The following EIF3H variants were observed in gnomAD, a reference collection of about 807,000 sequenced individuals.
The protein encoded by EIF3H is eIF-3-gamma.
EIF3H carries 26 observed loss-of-function variants against 44.2 expected under a neutral mutation model. The ratio of observed to expected loss-of-function variants is 0.59; its 90% CI spans 0.43 to 0.82. The LOEUF (loss-of-function observed/expected upper bound fraction) is 0.82. Among genes scored for constraint, EIF3H ranks in the 40% least tolerant of loss-of-function variants. The pLI, the probability that EIF3H is intolerant of heterozygous loss-of-function variation, is 0.00. For missense variants in EIF3H, 359 were observed against 432.8 expected, an observed-to-expected ratio of 0.83 and a Z score of 1.51; for synonymous variants, 166 against 151.9, an observed-to-expected ratio of 1.09 and a Z score of -0.68.
At chr8:116,758,566 A>C (rs1294358467), upstream of EIF3H, among the ~76,000 whole-genome samples, 1 of 152,232 alleles carries the variant, frequency 6.6e-6, no homozygotes, top group Non-Finnish European at 1.5e-5. Flanking sequence ...TGAAGTGTCC[A>C]TGGAATATAC....
chr8:116,653,667 C>CT (rs139783290), intron 5 of EIF3H, among the ~76,000 whole-genome samples: 9,745 of 152,044 alleles, frequency 0.064, 403 homozygotes, highest in African/African-American at 0.11. Flanking sequence ...CCTTAGTTTA[C>CT]TTTTTTTAAA....
chr8:116,715,361 CTA>C (rs998383869), intron 2 of EIF3H, among the ~76,000 whole-genome samples: 5 of 151,864 alleles, frequency 3.3e-5, no homozygotes, highest in African/African-American at 1.2e-4. Context: ...CAGATAAAAG[CTA>C]TGTGTTTTAT....
At chr8:116,654,570 AT>A (rs1813456793) in intron 5 of EIF3H, among the ~76,000 whole-genome samples, 1 of 152,216 alleles carries the variant, frequency 6.6e-6, no homozygotes, top group African/African-American at 2.4e-5. Context: ...GGTGTGCCCA[AT>A]GTGTTTGTAA....
rs772680390 is a variant in EIF3H, at chr8:116,724,738, G to C, written c.289+1278C>G. On this transcript the variant is annotated intron_variant, in intron 2 of 7. Coordinates refer to ENST00000521861, the MANE Select transcript of EIF3H (RefSeq NM_003756.3). ...GTGCAATTCAAAACCACAATGAGATGATCACCTCACATCTGTTAAAATGGC... is the reference window on the plus strand; with the variant it reads ...GTGCAATTCAAAACCACAATGAGATCATCACCTCACATCTGTTAAAATGGC... Among the ~76,000 whole-genome samples, 120 of 152,196 alleles carry C rather than the reference G, an allele frequency of 7.9e-4. 1 individual carries two copies. The highest frequency in any genetic ancestry group is 7.4e-4 in the Non-Finnish European group (50 of 67,978).
chr8:116,736,387 C>T (rs1430187898), intron 1 of EIF3H, among the ~76,000 whole-genome samples: 1 of 152,184 alleles, frequency 6.6e-6, no homozygotes, highest in Non-Finnish European at 1.5e-5. Flanking sequence ...AATTGCCAGG[C>T]GCGGTGGCTC....
In EIF3H at chr8:116,719,258, AAGAC is replaced by A. The variant is rs1438298838; in HGVS notation, c.289+6754_289+6757del. Among the ~76,000 whole-genome samples, 6 of 152,298 alleles carry A rather than the reference AAGAC, an allele frequency of 3.9e-5. No individual in the cohort carries two copies. In the South Asian group the frequency reaches 1.2e-3, roughly 32 times the overall value. ...TAATGGGCCCTTTAATTCTGAATAA[AAGAC>A]AGTTACTAACTTTGCATTTTTTCAG... On this transcript the variant is annotated intron_variant, in intron 2 of 7. Coordinates refer to ENST00000521861, the MANE Select transcript of EIF3H (RefSeq NM_003756.3).
rs182637375 is a variant in EIF3H at position 116,671,443 on chromosome 8, T to C, written c.290-12463A>G. Among the ~76,000 whole-genome samples, 28 of 152,342 alleles carry C rather than the reference T, an allele frequency of 1.8e-4. No individual in the cohort carries two copies. In the East Asian group the frequency reaches 4.6e-3, roughly 25 times the overall value. Reference sequence around the variant, plus strand: ...AATCTTCCTTTTCCCCTGAAGAATATACATCTTTTCCTTGCAGAAAAGATT... The same window carrying C: ...AATCTTCCTTTTCCCCTGAAGAATACACATCTTTTCCTTGCAGAAAAGATT... On this transcript the variant is annotated intron_variant, in intron 2 of 7. Transcript: ENST00000521861.
intron 2 of EIF3H, chr8:116,696,913 A>C (rs1267950753): frequency 3.1e-6 from 1 of 324,240 alleles, no homozygotes; most frequent in Non-Finnish European, 6.1e-6. Context: ...CTTTTGTAAA[A>C]GAAAACACAA....
intron 1 of EIF3H, chr8:116,737,267 T>C (rs898937772): frequency 2.2e-6 from 1 of 448,928 alleles, no homozygotes; most frequent in Non-Finnish European, 4.4e-6. Flanking sequence ...ATTTTCTATC[T>C]ACGTACTTGA....
At chr8:116,750,870 C>G (rs1011793886) in intron 1 of EIF3H, among the ~76,000 whole-genome samples, 2 of 152,068 alleles carry the variant, frequency 1.3e-5, no homozygotes, top group Non-Finnish European at 2.9e-5. Flanking sequence ...CTGAAAACAT[C>G]TAAGGAAAGA....
At chr8:116,705,498 C>A (rs996448960) in intron 2 of EIF3H, among the ~76,000 whole-genome samples, 14 of 143,896 alleles carry the variant, frequency 9.7e-5, no homozygotes, top group African/African-American at 2.7e-4. Flanking sequence ...TACACCCCCC[C>A]CCACCACCAA....
chr8:116,660,033 T>A (rs1160980762), intron 2 of EIF3H, among the ~76,000 whole-genome samples: 1 of 151,976 alleles, frequency 6.6e-6, no homozygotes, highest in Non-Finnish European at 1.5e-5. Context: ...ACTACAGGTG[T>A]GAACCACCGC....
rs181736099 is a variant in EIF3H at position 116,653,902 on chromosome 8, T to C, written c.707+1954A>G. The stretch of plus-strand genomic sequence containing the variant: ...GGCACATCAAAGAAACTGGTGCCCA[T>C]GTCTATAGGCTGTGAAAGGAAAGAC... On this transcript the variant is annotated intron_variant, in intron 5 of 7. Transcript: ENST00000521861. Among the ~76,000 whole-genome samples, 200 of 152,340 alleles carry C rather than the reference T, an allele frequency of 1.3e-3. 1 individual carries two copies. Among genetic ancestry groups the C allele is most frequent in the South Asian group, 5.2e-3 (25 of 4,834 alleles).
At chr8:116,686,624 T>TA (rs200473723) in intron 2 of EIF3H, among the ~76,000 whole-genome samples, 183 of 139,382 alleles carry the variant, frequency 1.3e-3, no homozygotes, top group East Asian at 3.5e-3. Context: ...AGAGTATGTT[T>TA]AAAAAAAAAA....
At chr8:116,752,917 G>A (rs1329496178) in intron 1 of EIF3H, among the ~76,000 whole-genome samples, 1 of 152,024 alleles carries the variant, frequency 6.6e-6, no homozygotes, top group African/African-American at 2.4e-5. Flanking sequence ...CTGGGCAAAC[G>A]TGGGTATACC....
At chr8:116,712,130 A>G (rs951792729) in intron 2 of EIF3H, among the ~76,000 whole-genome samples, 1 of 152,178 alleles carries the variant, frequency 6.6e-6, no homozygotes, top group African/African-American at 2.4e-5. Flanking sequence ...TGCTGCTGTC[A>G]TTGCTGTCTG....
intron 2 of EIF3H, among the ~76,000 whole-genome samples, chr8:116,691,677 C>G (rs865796258): frequency 2.8e-4 from 42 of 152,138 alleles, no homozygotes; most frequent in Middle Eastern, 3.4e-3. Flanking sequence ...GAGTTCGAGA[C>G]CAGCCTGGAC....
chr8:116,658,372 T>C (rs1461887180), intron 3 of EIF3H: 2 of 153,208 alleles, frequency 1.3e-5, no homozygotes, highest in Non-Finnish European at 1.5e-5. Flanking sequence ...CACCATTAAA[T>C]AGGCCGAAAA....
At chr8:116,742,481 C>A (rs1815149953) in intron 1 of EIF3H, among the ~76,000 whole-genome samples, 3 of 152,088 alleles carry the variant, frequency 2.0e-5, no homozygotes, top group Admixed American at 2.0e-4. Context: ...CCCACATGTA[C>A]CTGGTTGGTA....
Sources: allele counts gnomAD v4.1 joint callset (sites outside exome capture counted in the v4.1 genomes callset), GRCh38; gene constraint gnomAD v4.1.1; transcripts MANE v1.5; gene names NCBI Gene and HGNC (gene_info 2026-07-23, HGNC 2026-07-21).